THSD4: variants seen among roughly 807,000 people sequenced by gnomAD.
THSD4 encodes thrombospondin type 1 domain containing 4.
THSD4 carries 69 observed loss-of-function variants against 119.0 expected under a neutral mutation model. That is an observed-to-expected ratio of 0.58 (90% CI 0.48 to 0.71). THSD4 has a LOEUF of 0.71. THSD4 is among the 30% of genes least tolerant of loss of function. THSD4 has a pLI of 0.00. For synonymous variants in THSD4, 524 were observed against 540.4 expected, an observed-to-expected ratio of 0.97 and a Z score of 0.42; for missense variants, 1,393 against 1,391.1, an observed-to-expected ratio of 1.00 and a Z score of -0.02.
In THSD4 at chr15:71,427,653, C is replaced by T. The variant is rs1247177557; in HGVS notation, c.1152+15830C>T. On this transcript the variant is annotated intron_variant, in intron 7 of 17. Coordinates refer to ENST00000261862, the MANE Select transcript of THSD4 (RefSeq NM_024817.3). ...TAGAAGTTGAGGTGACCATTTTGTGCTTGCACCCTGCTCTCTGCCCTGAGT... is the reference window on the plus strand; with the variant it reads ...TAGAAGTTGAGGTGACCATTTTGTGTTTGCACCCTGCTCTCTGCCCTGAGT... 2.0e-5 allele frequency among the ~76,000 whole-genome samples: 3 copies of T among 149,808 alleles called. No homozygotes were observed. The East Asian group carries it at 5.9e-4, about 29-fold the overall frequency.
At chr15:71,118,955 G>A (rs1462063154) in intron 1 of THSD4, among the ~76,000 whole-genome samples, 2 of 152,264 alleles carry the variant, frequency 1.3e-5, no homozygotes, top group South Asian at 4.2e-4. Context: ...GGCCTGTTTT[G>A]CTCTCTTTTC....
At chr15:71,616,765 T>C (rs572185980) in intron 7 of THSD4, among the ~76,000 whole-genome samples, 142 of 152,332 alleles carry the variant, frequency 9.3e-4, no homozygotes, top group African/African-American at 2.9e-3. Flanking sequence ...GATTCCTGCA[T>C]TGGGCAAGAG....
chr15:71,513,150 T>C (rs1248584810), intron 7 of THSD4, among the ~76,000 whole-genome samples: 1 of 152,246 alleles, frequency 6.6e-6, no homozygotes, highest in African/African-American at 2.4e-5. Flanking sequence ...CTAGAGGCTT[T>C]CCAAGATGGC....
At chr15:71,337,948 C>T (rs755631826) in intron 6 of THSD4, among the ~76,000 whole-genome samples, 1 of 152,156 alleles carries the variant, frequency 6.6e-6, no homozygotes, top group Non-Finnish European at 1.5e-5. Flanking sequence ...ACTGGTGGAG[C>T]TGATAAGTTC....
At chr15:71,294,866 C>T (rs911400975) in intron 6 of THSD4, among the ~76,000 whole-genome samples, 7 of 149,258 alleles carry the variant, frequency 4.7e-5, no homozygotes, top group East Asian at 3.9e-4. Flanking sequence ...GGTGGTCACT[C>T]GGAAGGTTGT....
At chr15:71,489,078 A>G (rs1163297756) in intron 7 of THSD4, among the ~76,000 whole-genome samples, 2 of 152,200 alleles carry the variant, frequency 1.3e-5, no homozygotes, top group Non-Finnish European at 2.9e-5. Flanking sequence ...TACGTCTTCT[A>G]GAAATTTCCC....
chr15:71,217,006 A>C (rs762056614), intron 4 of THSD4, among the ~76,000 whole-genome samples: 3 of 152,150 alleles, frequency 2.0e-5, no homozygotes, highest in Non-Finnish European at 4.4e-5. Context: ...CATGTTGGCC[A>C]GGCTGGTCTT....
intron 8 of THSD4, among the ~76,000 whole-genome samples, chr15:71,704,458 T>A (rs547110568): frequency 2.6e-5 from 4 of 152,284 alleles, no homozygotes; most frequent in African/African-American, 9.6e-5. Context: ...CTGCACATGC[T>A]CTCTTGCCTG....
intron 7 of THSD4, among the ~76,000 whole-genome samples, chr15:71,515,949 C>T (rs564139582): frequency 1.9e-4 from 29 of 152,270 alleles, no homozygotes; most frequent in Admixed American, 4.6e-4. Flanking sequence ...CAAGAGGACA[C>T]ATGCTCTATG....
intron 7 of THSD4, among the ~76,000 whole-genome samples, chr15:71,426,267 A>AG (rs775549870): frequency 2.6e-5 from 4 of 152,162 alleles, no homozygotes; most frequent in Non-Finnish European, 4.4e-5. Flanking sequence ...AATTAAAGCA[A>AG]GGTAACTGTT....
chr15:71,526,524 A>G (rs1047969918), intron 7 of THSD4, among the ~76,000 whole-genome samples: 1 of 152,154 alleles, frequency 6.6e-6, no homozygotes, highest in Non-Finnish European at 1.5e-5. Context: ...TTATTCCTGA[A>G]AGAAACTATT....
chr15:71,773,026 C>T (rs2053848189), intron 17 of THSD4, among the ~76,000 whole-genome samples: 1 of 151,504 alleles, frequency 6.6e-6, no homozygotes, highest in African/African-American at 2.4e-5. Flanking sequence ...CTGGGAAACC[C>T]CATCTTGGCA....
At chr15:71,631,142 G>T (rs1020831340) in intron 7 of THSD4, among the ~76,000 whole-genome samples, 1 of 152,194 alleles carries the variant, frequency 6.6e-6, no homozygotes, top group Non-Finnish European at 1.5e-5. Context: ...GGGTGCCCCA[G>T]AGTCATGGGC....
At chr15:71,197,946 A>C (rs985125653) in intron 3 of THSD4, among the ~76,000 whole-genome samples, 1 of 152,092 alleles carries the variant, frequency 6.6e-6, no homozygotes, top group Non-Finnish European at 1.5e-5. Context: ...AGGAATATAC[A>C]TGTGTGGCTT....
intron 6 of THSD4, among the ~76,000 whole-genome samples, chr15:71,394,078 A>ATATTTT (rs1555409463): frequency 6.8e-6 from 1 of 148,058 alleles, no homozygotes; most frequent in Non-Finnish European, 1.5e-5. Context: ...GATACACAAT[A>ATATTTT]TTTTTTTTTT....
At chr15:71,112,921 G>A (rs572619751), upstream of THSD4, among the ~76,000 whole-genome samples, 1 of 152,208 alleles carries the variant, frequency 6.6e-6, no homozygotes, top group Non-Finnish European at 1.5e-5. Context: ...GCTCACGCCT[G>A]TAATCTCAGC....
chr15:71,448,315 A>G (rs1262648476), intron 7 of THSD4, among the ~76,000 whole-genome samples: 1 of 152,246 alleles, frequency 6.6e-6, no homozygotes, highest in East Asian at 1.9e-4. Context: ...GCCCAAGGCA[A>G]AATCAAATAT....
rs549208513 is a variant in THSD4, at chr15:71,370,440, C to T, written c.1016-41247C>T. Among the ~76,000 whole-genome samples the T allele has an allele frequency of 9.2e-5, 14 of 152,330 alleles. 1 individual carries two copies. The highest frequency in any genetic ancestry group is 1.3e-4 in the Admixed American group (2 of 15,292). On this transcript the variant is annotated intron_variant, in intron 6 of 17. Transcript: ENST00000261862. ...ATTTAGTGCTATAAATTTCCCTCTA[C>T]ATACTGCTTTAAATGTGTCCCAGAG...
chr15:71,524,892 G>A (rs1009304445), intron 7 of THSD4, among the ~76,000 whole-genome samples: 2 of 150,682 alleles, frequency 1.3e-5, no homozygotes, highest in African/African-American at 2.5e-5. Context: ...GATTACAAGC[G>A]TGAGCCACCA....
Sources: allele counts gnomAD v4.1 joint callset (sites outside exome capture counted in the v4.1 genomes callset), GRCh38; gene constraint gnomAD v4.1.1; transcripts MANE v1.5; gene names NCBI Gene and HGNC (gene_info 2026-07-23, HGNC 2026-07-21).